GRID1: variants seen among roughly 807,000 people sequenced by gnomAD.
GRID1 encodes the protein glutamate ionotropic receptor delta type subunit 1.
A neutral mutation model predicts 98.0 loss-of-function variants in GRID1; 28 were observed. The ratio of observed to expected loss-of-function variants is 0.29; its 90% confidence interval spans 0.21 to 0.39. GRID1 has a LOEUF of 0.39. Among genes scored for constraint, GRID1 ranks in the 10% least tolerant of loss-of-function variants. The pLI is 1.00. For missense variants in GRID1, 1,111 were observed against 1,340.5 expected (o/e 0.83, Z 2.67); for synonymous variants, 553 against 538.5 (o/e 1.03, Z -0.37).
chr10:86,133,038 A>G (rs1449740973), intron 4 of GRID1, among the ~76,000 whole-genome samples: 1 of 152,240 alleles, frequency 6.6e-6, no homozygotes, highest in Non-Finnish European at 1.5e-5. Flanking sequence ...CTCTACAGAA[A>G]GAGATCACTG....
chr10:85,699,242 G>C (rs1170726162), intron 12 of GRID1, among the ~76,000 whole-genome samples: 1 of 151,910 alleles, frequency 6.6e-6, no homozygotes, highest in Non-Finnish European at 1.5e-5. Flanking sequence ...TAGTAACTAT[G>C]GGGTTTTGCA....
rs1841051055 is a variant in GRID1, at chr10:85,882,693, A to G, written c.781-13513T>C. On this transcript the variant is annotated intron_variant, in intron 5 of 15. Transcript: ENST00000327946. ...TGTTAAATGACAAGTTAATGGGTGC[A>G]GCACACCAACATGGCACATGTATAC... is the stretch of plus-strand genomic sequence containing the variant. 2.0e-5 allele frequency among the ~76,000 whole-genome samples: 3 copies of G among 152,346 alleles called. No individual in the cohort carries two copies. The South Asian group carries it at 6.2e-4, about 32-fold the overall frequency.
chr10:85,681,093 T>G (rs533201164), intron 12 of GRID1, among the ~76,000 whole-genome samples: 3 of 152,292 alleles, frequency 2.0e-5, no homozygotes, highest in Admixed American at 6.5e-5. Flanking sequence ...AATATATCCA[T>G]GCATCAAAAC....
At chr10:85,742,669 G>A (rs189246734) in intron 8 of GRID1, among the ~76,000 whole-genome samples, 144 of 152,226 alleles carry the variant, frequency 9.5e-4, no homozygotes, top group Non-Finnish European at 1.6e-3. Flanking sequence ...GACAGTTCCT[G>A]CAGCAGATTG....
chr10:85,680,947 G>A (rs1293591602), intron 12 of GRID1, among the ~76,000 whole-genome samples: 1 of 152,132 alleles, frequency 6.6e-6, no homozygotes, highest in Admixed American at 6.5e-5. Flanking sequence ...GTACACATGG[G>A]CATAGAAAGT....
intron 8 of GRID1, among the ~76,000 whole-genome samples, chr10:85,761,559 G>A (rs1339375672): frequency 2.0e-5 from 3 of 152,224 alleles, no homozygotes; most frequent in Admixed American, 6.5e-5. Flanking sequence ...TGCTGTGCAA[G>A]TAAGTGCAGG....
chr10:86,361,648 C>A (rs1848602144), intron 2 of GRID1, among the ~76,000 whole-genome samples: 1 of 152,170 alleles, frequency 6.6e-6, no homozygotes, highest in Admixed American at 6.5e-5. Flanking sequence ...GTTGAATCAC[C>A]CATAGCTATG....
intron 8 of GRID1, among the ~76,000 whole-genome samples, chr10:85,793,414 T>A (rs767979257): frequency 2.6e-5 from 4 of 152,330 alleles, no homozygotes; most frequent in Non-Finnish European, 2.9e-5. Context: ...TTACATGCAT[T>A]GTCTGTCAGT....
chr10:85,721,767 T>A (rs781715426), intron 12 of GRID1, among the ~76,000 whole-genome samples: 17 of 152,292 alleles, frequency 1.1e-4, no homozygotes, highest in South Asian at 2.1e-4. Context: ...GTGATAGATC[T>A]GTTCAGTATT....
chr10:86,293,499 C>G (rs1057008777), intron 2 of GRID1, among the ~76,000 whole-genome samples: 3 of 152,234 alleles, frequency 2.0e-5, no homozygotes, highest in African/African-American at 7.2e-5. Flanking sequence ...CTCTGCCAAG[C>G]AGAGCCATTT....
intron 12 of GRID1, among the ~76,000 whole-genome samples, chr10:85,654,897 T>C (rs1174639869): frequency 1.3e-5 from 2 of 152,178 alleles, no homozygotes; most frequent in Non-Finnish European, 2.9e-5. Context: ...TGTTTCTGAT[T>C]TGCCAAACTC....
intron 8 of GRID1, among the ~76,000 whole-genome samples, chr10:85,761,285 G>A (rs6585979): frequency 0.041 from 6,308 of 152,182 alleles, 309 homozygotes; most frequent in African/African-American, 0.1. Context: ...TTTATCTCAC[G>A]TCCCCAAACC....
intron 12 of GRID1, among the ~76,000 whole-genome samples, chr10:85,683,517 A>C (rs1841234444): frequency 2.0e-5 from 3 of 152,234 alleles, no homozygotes; most frequent in Admixed American, 2.0e-4. Flanking sequence ...GGACATACAA[A>C]GGTCATGAAG....
At chr10:85,701,171 G>A (rs1366994989) in intron 12 of GRID1, among the ~76,000 whole-genome samples, 2 of 152,068 alleles carry the variant, frequency 1.3e-5, no homozygotes, top group African/African-American at 4.8e-5. Context: ...AGCAATGGGA[G>A]ATTCAAATTC....
At chr10:85,907,673 G>A (rs758228898) in intron 5 of GRID1, among the ~76,000 whole-genome samples, 2 of 151,888 alleles carry the variant, frequency 1.3e-5, no homozygotes, top group Non-Finnish European at 2.9e-5. Flanking sequence ...ACTTACTTTT[G>A]AGGCCAGCAT....
chr10:86,138,728 G>A (rs929692938), intron 4 of GRID1, 91 bp downstream of exon 4: 15 of 1,018,456 alleles, frequency 1.5e-5, no homozygotes, highest in Middle Eastern at 3.1e-4. Flanking sequence ...TAGGCCATGC[G>A]TAAGACGACT....
chr10:85,602,865 C>A (rs1842601112), intron 15 of GRID1, among the ~76,000 whole-genome samples, 164 bp from the exon 16 acceptor site: 1 of 152,112 alleles, frequency 6.6e-6, no homozygotes, highest in African/African-American at 2.4e-5. Context: ...ATATGGCCAA[C>A]CCTCAGTTAT....
chr10:86,362,550 C>G (rs1162422814), intron 2 of GRID1, among the ~76,000 whole-genome samples: 1 of 152,186 alleles, frequency 6.6e-6, no homozygotes, highest in African/African-American at 2.4e-5. Flanking sequence ...TTGGGACTCC[C>G]GGTTTGTAAA....
intron 12 of GRID1, among the ~76,000 whole-genome samples, chr10:85,677,832 T>C (rs1397726193): frequency 6.6e-6 from 1 of 151,870 alleles, no homozygotes; most frequent in South Asian, 2.1e-4. Context: ...GCATGCACAA[T>C]GGGGGGAGGT....
Sources: allele counts gnomAD v4.1 joint callset (sites outside exome capture counted in the v4.1 genomes callset), GRCh38; gene constraint gnomAD v4.1.1; transcripts MANE v1.5; gene names NCBI Gene and HGNC (gene_info 2026-07-23, HGNC 2026-07-21).